Variants in NR6A1 observed in about 807,000 individuals in gnomAD.
The protein encoded by NR6A1 is nuclear receptor subfamily 6 group A member 1, also known as retinoic acid receptor-related testis-associated receptor.
In NR6A1, 7 loss-of-function variants were observed where a neutral mutation model predicts 59.1. That is an observed-to-expected ratio of 0.12 (90% CI 0.07 to 0.22). The LOEUF is 0.22. NR6A1 is among the 10% of genes least tolerant of loss of function. The pLI is 1.00. For synonymous variants in NR6A1, 243 were observed against 236.1 expected (o/e 1.03, Z -0.27); for missense variants, 468 against 611.6 (o/e 0.77, Z 2.48).
chr9:124,580,715 G>C (rs762214536), intron 2 of NR6A1, among the ~76,000 whole-genome samples: 47 of 152,016 alleles, frequency 3.1e-4, no homozygotes, highest in Non-Finnish European at 5.1e-4. Context: ...AGTTACTCAG[G>C]GGGCTAAGGC....
At chr9:124,571,749 G>A (rs1354341901) in intron 2 of NR6A1, among the ~76,000 whole-genome samples, 1 of 152,064 alleles carries the variant, frequency 6.6e-6, no homozygotes, top group Non-Finnish European at 1.5e-5. Flanking sequence ...TATGCTTCAT[G>A]GCTTCAGAGG....
chr9:124,625,958 C>A (rs1162765202), intron 2 of NR6A1, among the ~76,000 whole-genome samples: 3 of 152,198 alleles, frequency 2.0e-5, no homozygotes, highest in African/African-American at 7.2e-5. Context: ...TGCAGCATGG[C>A]TTTCTTGGGT....
At chr9:124,642,522 A>T (rs1285102817) in intron 2 of NR6A1, among the ~76,000 whole-genome samples, 2 of 152,214 alleles carry the variant, frequency 1.3e-5, no homozygotes, top group Non-Finnish European at 2.9e-5. Flanking sequence ...TGCATTATAA[A>T]ATATTTAGCA....
chr9:124,639,141 G>C (rs1474298668), intron 2 of NR6A1, among the ~76,000 whole-genome samples: 1 of 152,140 alleles, frequency 6.6e-6, no homozygotes, highest in Non-Finnish European at 1.5e-5. Context: ...TATATTTCTA[G>C]ATAACCGAAA....
intron 2 of NR6A1, among the ~76,000 whole-genome samples, chr9:124,565,428 AAAACAAAC>A (rs896460175): frequency 6.6e-6 from 1 of 150,676 alleles, no homozygotes; most frequent in African/African-American, 2.5e-5. Context: ...CTCCGTCTCA[AAAACAAAC>A]AAACAAACAA....
chr9:124,526,866 G>A lies in NR6A1; in HGVS notation c.1114C>T (p.Leu372Phe). ...TGGAACTTGTGATAGAGGTAGATGA[G>A]CCGCTCGATCACCTCCATCCCTTCA... Reference protein sequence around the residue: ...SDEGMEVIERLIYLYHKFHQL... With the variant: ...SDEGMEVIERFIYLYHKFHQL... Residue 372 changes from leucine to phenylalanine, a missense_variant, in exon 8 of 10, where the codon CTC (leucine) becomes TTC (phenylalanine). Around this residue, in one of 4 missense-constraint regions of NR6A1, gnomAD observed 176 missense variants for 264.0 expected, o/e 0.67. Transcript: ENST00000487099. The A allele has an allele frequency of 6.2e-7, 1 of 1,614,072 alleles. No individual in the cohort carries two copies. The highest frequency in any genetic ancestry group is 8.5e-7 in the Non-Finnish European group (1 of 1,179,944).
chr9:124,542,649 CA>C (rs1387146873), intron 4 of NR6A1, among the ~76,000 whole-genome samples: 1 of 152,208 alleles, frequency 6.6e-6, no homozygotes, highest in African/African-American at 2.4e-5. Context: ...TCCTAAAATG[CA>C]AATCTAAATA....
chr9:124,762,077 T>C (rs1202936309), intron 1 of NR6A1, among the ~76,000 whole-genome samples: 1 of 152,200 alleles, frequency 6.6e-6, no homozygotes, highest in African/African-American at 2.4e-5. Flanking sequence ...TGGTATCTGG[T>C]GAAGTCACCA....
intron 2 of NR6A1, among the ~76,000 whole-genome samples, chr9:124,686,889 G>A (rs549350688): frequency 3.8e-4 from 58 of 152,002 alleles, no homozygotes; most frequent in Non-Finnish European, 6.5e-4. Flanking sequence ...TTTTTGTAGA[G>A]ATGGGGTTCT....
chr9:124,735,096 C>A (rs879395629), intron 1 of NR6A1, among the ~76,000 whole-genome samples: 2 of 152,144 alleles, frequency 1.3e-5, no homozygotes, highest in Non-Finnish European at 2.9e-5. Context: ...TGACCACCTT[C>A]GCCTCCCAAA....
chr9:124,703,208 T>A (rs927055016), intron 2 of NR6A1, among the ~76,000 whole-genome samples: 3 of 103,102 alleles, frequency 2.9e-5, no homozygotes, highest in African/African-American at 1.1e-4. Context: ...CACGGCCACA[T>A]TTTTTTTTTT....
At chr9:124,721,602 T>C (rs570254462) in intron 2 of NR6A1, among the ~76,000 whole-genome samples, 109 of 152,172 alleles carry the variant, frequency 7.2e-4, no homozygotes, top group African/African-American at 2.3e-3. Context: ...ACTTGAAAAA[T>C]AGTGGAATAA....
chr9:124,659,062 CTG>C (rs2130937033), intron 2 of NR6A1, among the ~76,000 whole-genome samples: 1 of 152,286 alleles, frequency 6.6e-6, no homozygotes, highest in East Asian at 1.9e-4. Context: ...AAGAAATAAA[CTG>C]TTGGAGAATT....
At chr9:124,564,915 T>C (rs1167791624) in intron 2 of NR6A1, among the ~76,000 whole-genome samples, 3 of 152,078 alleles carry the variant, frequency 2.0e-5, no homozygotes, top group Middle Eastern at 3.2e-3. Context: ...CATGAATATA[T>C]GAATATTTAA....
chr9:124,764,889 T>C (rs1004320802), intron 1 of NR6A1, among the ~76,000 whole-genome samples: 2 of 152,214 alleles, frequency 1.3e-5, no homozygotes, highest in African/African-American at 4.8e-5. Context: ...GCCCAGGGAA[T>C]TGGTTTTAGA....
chr9:124,604,806 C>T (rs1835535730), intron 2 of NR6A1, among the ~76,000 whole-genome samples: 2 of 151,056 alleles, frequency 1.3e-5, no homozygotes, highest in African/African-American at 4.9e-5. Context: ...AGAGCAAGAC[C>T]CTGTCTCAAA....
intron 3 of NR6A1, 137 bp from the exon 4 acceptor site, chr9:124,543,994 T>A: frequency 1.4e-6 from 1 of 700,612 alleles, no homozygotes; most frequent in Non-Finnish European, 2.4e-6. Context: ...TCCTTCTGGA[T>A]CCAAAGCACA....
At chr9:124,755,721 C>T (rs1455485711) in intron 1 of NR6A1, among the ~76,000 whole-genome samples, 1 of 152,194 alleles carries the variant, frequency 6.6e-6, no homozygotes, top group Non-Finnish European at 1.5e-5. Context: ...TAAGATGTGG[C>T]TCACATATAA....
chr9:124,600,951 GAAA>G (rs201488136), intron 2 of NR6A1, among the ~76,000 whole-genome samples: 2 of 125,022 alleles, frequency 1.6e-5, no homozygotes, highest in Admixed American at 8.1e-5. Context: ...GGCTGTGGGG[GAAA>G]AAAAAAAAAA....
Sources: gnomAD v4.1 joint callset for allele counts (sites outside exome capture counted in the v4.1 genomes callset) on GRCh38, gnomAD v4.1.1 for gene constraint, gnomAD v4.1.1 regional missense constraint, MANE v1.5 for transcripts, NCBI Gene and HGNC (gene_info 2026-07-23, HGNC 2026-07-21) for gene names.